The following SCAF11 variants were observed in gnomAD, a reference collection of about 807,000 sequenced individuals.
SCAF11 encodes the protein SR-related CTD associated factor 11.
SCAF11 carries 47 observed loss-of-function variants against 140.5 expected under a neutral mutation model. The observed-to-expected ratio is 0.33, with a 90% CI of 0.26 to 0.43. The LOEUF is 0.43. Among genes scored for constraint, SCAF11 ranks in the 20% least tolerant of loss-of-function variants. The probability of loss-of-function intolerance (pLI) is 1.00; values close to 1 mark genes in which losing one functional copy is unlikely to be tolerated. For synonymous variants in SCAF11, 557 were observed against 579.4 expected (o/e 0.96, Z 0.55); for missense variants, 1,645 against 1,705.1 (o/e 0.96, Z 0.62).
At chr12:45,933,715 C>T (rs954333125) in intron 8 of SCAF11, among the ~76,000 whole-genome samples, 9 of 152,090 alleles carry the variant, frequency 5.9e-5, no homozygotes, top group Admixed American at 1.3e-4. Context: ...ATCACACAAT[C>T]GTATTCTGTG....
chr12:45,928,824 G>T lies in SCAF11; in HGVS notation c.877C>A (p.Gln293Lys). 1 of 1,610,274 alleles carries T rather than the reference G, an allele frequency of 6.2e-7. No homozygotes were observed. Residue 293 changes from glutamine to lysine, a missense_variant, in exon 11 of 15, where the codon CAA (glutamine) becomes AAA (lysine). Physicochemically the swap from Gln to Lys is moderately conservative, Grantham distance 53. Coordinates refer to ENST00000369367, the MANE Select transcript of SCAF11 (RefSeq NM_004719.3). ...SCKGYALAHT[Q>K]EGEEKKQTSG... ...GTTTGCTTCTTTTCTTCCCCTTCTT[G>T]AGTATGTGCTAATGCATATCCCTTG... is the stretch of plus-strand genomic sequence containing the variant.
intron 8 of SCAF11, 39 bp from the exon 9 acceptor site, chr12:45,933,271 ATTTTAGGTTC>A: frequency 6.9e-7 from 1 of 1,445,848 alleles, no homozygotes; most frequent in Non-Finnish European, 9.6e-7. Context: ...GAATCTCACA[ATTTTAGGTTC>A]AAAAAAACAA....
At chr12:45,956,635 G>C (rs545590425) in intron 3 of SCAF11, among the ~76,000 whole-genome samples, 1 of 152,218 alleles carries the variant, frequency 6.6e-6, no homozygotes, top group South Asian at 2.1e-4. Context: ...CCCCCAGTAA[G>C]AACACATTTC....
In SCAF11 at chr12:45,926,248, T is replaced by C; in HGVS notation, c.3453A>G (p.Arg1151=). The change falls in exon 11 of 15, where the codon AGA becomes AGG. Residue 1151 remains arginine (R), a synonymous_variant. Coordinates refer to ENST00000369367, the MANE Select transcript of SCAF11 (RefSeq NM_004719.3). ...TTTGTACATCTGCTGGCAAAGTCTT[T>C]CTCACGGCCCAGCTGGATGCAGATG... is the stretch of plus-strand genomic sequence containing the variant. ...GWTSASSWAV[R]KTLPADVQNY... is the part of the protein sequence containing the mutation. 1 of 1,614,172 alleles carries C rather than the reference T, an allele frequency of 6.2e-7. No individual in the cohort carries two copies. The highest frequency in any genetic ancestry group is 8.5e-7 in the Non-Finnish European group (1 of 1,180,024).
chr12:45,981,077 C>A (rs1160085269), intron 1 of SCAF11, among the ~76,000 whole-genome samples: 1 of 152,118 alleles, frequency 6.6e-6, no homozygotes, highest in Non-Finnish European at 1.5e-5. Flanking sequence ...AGAGACAACT[C>A]AGACCAAAAT....
At chr12:45,969,929 G>A (rs572893073) in intron 1 of SCAF11, among the ~76,000 whole-genome samples, 23 of 152,086 alleles carry the variant, frequency 1.5e-4, no homozygotes, top group African/African-American at 5.3e-4. Flanking sequence ...ACGGAGTCTC[G>A]CTCTGTCGCC....
chr12:45,950,410 G>A (rs1432160603), intron 4 of SCAF11, among the ~76,000 whole-genome samples: 2 of 152,144 alleles, frequency 1.3e-5, no homozygotes, highest in Admixed American at 1.3e-4. Flanking sequence ...AACTAGCACT[G>A]TACCAAACTT....
At chr12:45,969,496 A>C (rs147306639) in intron 1 of SCAF11, among the ~76,000 whole-genome samples, 42 of 152,304 alleles carry the variant, frequency 2.8e-4, no homozygotes, top group African/African-American at 1.0e-3. Context: ...TTAATACTAC[A>C]AACTTTAGAA....
chr12:45,939,068 T>C (rs989996584), intron 6 of SCAF11, among the ~76,000 whole-genome samples: 1 of 150,658 alleles, frequency 6.6e-6, no homozygotes, highest in African/African-American at 2.4e-5. Flanking sequence ...AACCTTTCAC[T>C]ATACCTCTAG....
chr12:45,947,410 T>C (rs1945448026), intron 5 of SCAF11, among the ~76,000 whole-genome samples: 1 of 152,204 alleles, frequency 6.6e-6, no homozygotes, highest in Non-Finnish European at 1.5e-5. Flanking sequence ...GAAACCTGTA[T>C]ATTTAAAAAA....
chr12:45,926,060 C>A, intron 11 of SCAF11, 82 bp downstream of exon 11: 1 of 1,384,126 alleles, frequency 7.2e-7, no homozygotes, highest in Non-Finnish European at 9.7e-7. Flanking sequence ...AAATAAGGAT[C>A]ATTTCAACTC....
At chr12:45,959,396 T>C (rs1945772617) in intron 3 of SCAF11, among the ~76,000 whole-genome samples, 1 of 152,260 alleles carries the variant, frequency 6.6e-6, no homozygotes, top group South Asian at 2.1e-4. Context: ...CCTTGTCTTG[T>C]ATAGCAAATA....
intron 1 of SCAF11, among the ~76,000 whole-genome samples, chr12:45,972,945 T>TAGATATATATATAGATATATAG (rs1555171452): frequency 1.0e-5 from 1 of 99,178 alleles, no homozygotes; most frequent in African/African-American, 4.9e-5. Context: ...TATAGATATA[T>TAGATATATATATAGATATATAG]ATATAGATAT....
chr12:45,991,691 A>C (rs938227714), upstream of SCAF11, among the ~76,000 whole-genome samples: 1 of 152,164 alleles, frequency 6.6e-6, no homozygotes, highest in Non-Finnish European at 1.5e-5. Flanking sequence ...CCTCGGAGGT[A>C]TTTTGACTTT....
intron 1 of SCAF11, among the ~76,000 whole-genome samples, chr12:45,990,130 G>C (rs950767691): frequency 1.3e-5 from 2 of 152,110 alleles, no homozygotes; most frequent in Non-Finnish European, 2.9e-5. Flanking sequence ...GCGGGGCAGC[G>C]AGAGGGAAAG....
rs11183253 is a variant in SCAF11 at position 45,968,255 on chromosome 12, T to C, written c.-21-4067A>G. 8.7e-3 allele frequency among the ~76,000 whole-genome samples: 1,331 copies of C among 152,340 alleles called. 11 individuals are homozygous for C. The highest frequency in any genetic ancestry group is 0.015 in the Non-Finnish European group (1,036 of 68,018). The stretch of plus-strand genomic sequence containing the variant: ...TTAATTCTAGATTTTCAGTAAACTT[T>C]GCTTTTCTGATTATTTTAATTTACA... On this transcript the variant is annotated intron_variant, in intron 1 of 14. Coordinates refer to ENST00000369367, the MANE Select transcript of SCAF11 (RefSeq NM_004719.3).
rs767164461 is a variant in SCAF11 at position 45,928,437 on chromosome 12, CTT to C, written c.1262_1263del (p.Lys421ArgfsTer9). 1.2e-6 allele frequency: 2 copies of C among 1,612,488 alleles called. No individual in the cohort carries two copies. The highest frequency in any genetic ancestry group is 1.7e-6 in the Non-Finnish European group (2 of 1,178,712). ...AESDTSPVLE[K>X]EHQPDVDSSN... ...CTACTGTCTACATCTGGTTGGTGCTCTTTTTCTAACACAGGTGATGTGTCAGA... is the reference window on the plus strand; with the variant it reads ...CTACTGTCTACATCTGGTTGGTGCTCTTTCTAACACAGGTGATGTGTCAGA... On this transcript the variant is annotated frameshift_variant, in exon 11 of 15. Coordinates refer to ENST00000369367, the MANE Select transcript of SCAF11 (RefSeq NM_004719.3). LOFTEE classifies it high-confidence loss of function.
chr12:45,967,404 G>A (rs1015555324), intron 1 of SCAF11, among the ~76,000 whole-genome samples: 1 of 152,212 alleles, frequency 6.6e-6, no homozygotes, highest in East Asian at 1.9e-4. Flanking sequence ...AGCACTTTGG[G>A]AGGCTGAGGC....
chr12:45,930,445 G>GT lies in SCAF11; in HGVS notation c.841+1060dup, dbSNP rs1262102132. On this transcript the variant is annotated intron_variant, in intron 10 of 14. Transcript: ENST00000369367. Reference sequence around the variant, plus strand: ...TAAACCAGGTTTTGCGTTGTGTTTTGTTTTTTTTTTGTTTTTTTTTTTTTT... The same window carrying GT: ...TAAACCAGGTTTTGCGTTGTGTTTTGTTTTTTTTTTTGTTTTTTTTTTTTTT... 4.5e-3 allele frequency among the ~76,000 whole-genome samples: 556 copies of GT among 123,566 alleles called. 28 individuals carry two copies. The highest frequency in any genetic ancestry group is 0.016 in the African/African-American group (466 of 28,658). 81.1% of individuals were successfully genotyped at this position (123,566 alleles called of 152,430 possible). A position where few individuals can be genotyped will look rare whatever the true frequency, so the allele number is the denominator to read the frequency against.
Sources: gnomAD v4.1 joint callset for allele counts (sites outside exome capture counted in the v4.1 genomes callset) on GRCh38, gnomAD v4.1.1 for gene constraint, MANE v1.5 for transcripts, NCBI Gene and HGNC (gene_info 2026-07-23, HGNC 2026-07-21) for gene names.